The following PLXNA4 variants were observed in gnomAD, a reference collection of about 807,000 sequenced individuals.
The protein encoded by PLXNA4 is plexin-A4.
In PLXNA4, 44 loss-of-function variants were observed where a neutral mutation model predicts 191.8. That is an observed-to-expected ratio of 0.23 (90% confidence interval 0.18 to 0.29). The LOEUF (loss-of-function observed/expected upper bound fraction) is 0.29. Among genes scored for constraint, PLXNA4 ranks in the 10% least tolerant of loss-of-function variants. The pLI, the probability that PLXNA4 is intolerant of heterozygous loss-of-function variation, is 1.00. For missense variants in PLXNA4, 1,800 were observed against 2,488.8 expected (o/e 0.72, Z 5.89); for synonymous variants, 1,082 against 1,009.5 (o/e 1.07, Z -1.36).
chr7:132,505,393 G>A lies in PLXNA4; in HGVS notation c.1188+2113C>T, dbSNP rs1472460440. Among the ~76,000 whole-genome samples, 7 of 152,284 alleles carry A rather than the reference G, an allele frequency of 4.6e-5. No individual in the cohort carries two copies. In the East Asian group the frequency reaches 1.4e-3, roughly 29 times the overall value. On this transcript the variant is annotated intron_variant, in intron 2 of 31. Coordinates refer to ENST00000321063, the MANE Select transcript of PLXNA4 (RefSeq NM_020911.2). ...CCTGCAGCTGATTTTTCTCCCAAGA[G>A]CATCGCCCAAAAAGTCAGGGTTTTA...
chr7:132,371,252 A>G (rs1804427498), intron 3 of PLXNA4, among the ~76,000 whole-genome samples: 1 of 152,118 alleles, frequency 6.6e-6, no homozygotes, highest in Non-Finnish European at 1.5e-5. Flanking sequence ...CACAGAGAAA[A>G]GAATATGGGA....
chr7:132,641,963 G>A (rs1334431113), intron 2 of PLXNA4, among the ~76,000 whole-genome samples: 1 of 152,128 alleles, frequency 6.6e-6, no homozygotes, highest in Non-Finnish European at 1.5e-5. Flanking sequence ...TAAATGTGGG[G>A]AAATGTGTGT....
intron 20 of PLXNA4, among the ~76,000 whole-genome samples, chr7:132,175,699 T>C (rs545410123): frequency 3.0e-4 from 46 of 152,278 alleles, no homozygotes; most frequent in African/African-American, 9.1e-4. Context: ...CCATATTCCG[T>C]TCTGGAAACA....
chr7:132,143,244 C>G (rs1795320955), intron 29 of PLXNA4, among the ~76,000 whole-genome samples: 1 of 152,072 alleles, frequency 6.6e-6, no homozygotes, highest in Non-Finnish European at 1.5e-5. Flanking sequence ...AGCAATAGAT[C>G]AAGTCAGGGT....
intron 1 of PLXNA4, among the ~76,000 whole-genome samples, chr7:132,531,581 C>T (rs1216444691): frequency 6.6e-6 from 1 of 152,178 alleles, no homozygotes; most frequent in African/African-American, 2.4e-5. Context: ...CACTCCAGAC[C>T]TAAGGAAGCT....
intron 24 of PLXNA4, among the ~76,000 whole-genome samples, chr7:132,163,853 A>G (rs141625725): frequency 6.6e-6 from 1 of 152,332 alleles, no homozygotes; most frequent in African/African-American, 2.4e-5. Flanking sequence ...CACCTGGGTC[A>G]AGGGCTTTGA....
chr7:132,175,612 G>A (rs960976514), intron 20 of PLXNA4, among the ~76,000 whole-genome samples: 8 of 152,218 alleles, frequency 5.3e-5, no homozygotes, highest in African/African-American at 1.9e-4. Context: ...GCCTCCAGAT[G>A]AACAGAGTGG....
chr7:132,628,356 CTCTCTCTCTCTGTT>C lies in PLXNA4; in HGVS notation c.-87+17558_-87+17571del, dbSNP rs1182002011. On this transcript the variant is annotated intron_variant, in intron 2 of 4. Transcript: ENST00000378539. ...TCTTGCTCTGTCTCTCTCTCGCTCT[CTCTCTCTCTCTGTT>C]TCTCTCTCTCTCTCTTTTTCTCTCA... is the stretch of plus-strand genomic sequence containing the variant. Among the ~76,000 whole-genome samples the C allele has an allele frequency of 6.1e-3, 933 of 152,046 alleles. 6 individuals are homozygous for C. The highest frequency in any genetic ancestry group is 0.022 in the African/African-American group (903 of 41,402).
At chr7:132,237,415 G>A (rs1177254345) in intron 5 of PLXNA4, among the ~76,000 whole-genome samples, 1 of 152,146 alleles carries the variant, frequency 6.6e-6, no homozygotes, top group African/African-American at 2.4e-5. Flanking sequence ...GCAAGGGAGT[G>A]GGGGAAGACA....
chr7:132,213,706 G>A lies in PLXNA4; in HGVS notation c.2098-2563C>T, dbSNP rs1198097311. ...AGAGCAGATCCTTGAGAATGGGGTT[G>A]CTGTGAGTCCAGGCTCCACTAGACT... is the stretch of plus-strand genomic sequence containing the variant. On this transcript the variant is annotated intron_variant, in intron 9 of 31. Transcript: ENST00000321063. 2.0e-5 allele frequency among the ~76,000 whole-genome samples: 3 copies of A among 152,184 alleles called. 1 individual carries two copies. The highest frequency in any genetic ancestry group is 2.0e-4 in the Admixed American group (3 of 15,282).
At chr7:132,562,061 CTT>C (rs1801171218) in intron 1 of PLXNA4, among the ~76,000 whole-genome samples, 1 of 125,792 alleles carries the variant, frequency 7.9e-6, no homozygotes, top group African/African-American at 3.4e-5. Context: ...CTCCCTCCTC[CTT>C]CTCCTCCTCT....
rs1333660026 is a variant in PLXNA4, at chr7:132,211,138, G to A, written c.2103C>T (p.Cys701=). The A allele has an allele frequency of 1.3e-6, 2 of 1,556,394 alleles. No individual in the cohort carries two copies. Among genetic ancestry groups the A allele is most frequent in the East Asian group, 2.4e-5 (1 of 41,302 alleles). The change falls in exon 10 of 32, where the codon TGC becomes TGT. Residue 701 remains cysteine (C), a synonymous_variant. Transcript: ENST00000321063. ...QEGRVKLPED[C]PQLLRVDKIL... ...TCTTGTCCACTCGCAGCAGCTGGGG[G>A]CAGTCCTGGGGACAGAGGGCATGGC...
intron 2 of PLXNA4, among the ~76,000 whole-genome samples, chr7:132,599,873 C>T (rs1451980411): frequency 6.6e-6 from 1 of 151,990 alleles, no homozygotes; most frequent in Non-Finnish European, 1.5e-5. Flanking sequence ...TCCTAATTTG[C>T]TAAGAGTTTT....
chr7:132,366,686 T>C (rs1209185742), intron 3 of PLXNA4, among the ~76,000 whole-genome samples: 1 of 152,206 alleles, frequency 6.6e-6, no homozygotes, highest in African/African-American at 2.4e-5. Flanking sequence ...TAAATTTTCC[T>C]TGGAAATATT....
Position 132,422,767 on chromosome 7 carries a change from C to T in PLXNA4, c.1371+66525G>A, listed in dbSNP as rs1032778385. On this transcript the variant is annotated intron_variant, in intron 3 of 31. Transcript: ENST00000321063. ...CCTGTTCCAGGAGCTCCTGGCCATA[C>T]ATAATCTCTCTTAATCCTCATAATA... is the stretch of plus-strand genomic sequence containing the variant. 4.6e-5 allele frequency among the ~76,000 whole-genome samples: 7 copies of T among 152,236 alleles called. No homozygotes were observed. In the South Asian group the frequency reaches 8.3e-4, roughly 18 times the overall value.
At position 132,146,684 on chromosome 7, in the gene PLXNA4, G is replaced by A; in HGVS notation, c.4881C>T (p.Tyr1627=). The A allele has an allele frequency of 6.2e-7, 1 of 1,614,176 alleles. No individual in the cohort carries two copies. The highest frequency in any genetic ancestry group is 8.5e-7 in the Non-Finnish European group (1 of 1,180,012). Residue 1627 remains tyrosine, a synonymous_variant, in exon 28 of 32, where the codon TAC becomes TAT. Transcript: ENST00000321063. ...SASKYENMIR[Y]TGSPDSLRSR... The stretch of plus-strand genomic sequence containing the variant: ...AGCGGAGGCTGTCGGGGCTGCCCGT[G>A]TACCGGATCATGTTTTCTGCCAAGG...
At chr7:132,333,737 T>C (rs1802690961) in intron 3 of PLXNA4, among the ~76,000 whole-genome samples, 1 of 152,180 alleles carries the variant, frequency 6.6e-6, no homozygotes, top group Non-Finnish European at 1.5e-5. Flanking sequence ...TCCCCTTCAG[T>C]GAGGAAAATC....
chr7:132,232,413 C>T (rs1798554844), intron 5 of PLXNA4, among the ~76,000 whole-genome samples: 1 of 152,148 alleles, frequency 6.6e-6, no homozygotes, highest in Non-Finnish European at 1.5e-5. Context: ...GTCACCCCCG[C>T]CCCAAATGCA....
intron 2 of PLXNA4, among the ~76,000 whole-genome samples, chr7:132,593,016 A>G (rs1312759199): frequency 6.6e-6 from 1 of 152,222 alleles, no homozygotes; most frequent in Non-Finnish European, 1.5e-5. Context: ...TGATCTACCC[A>G]ACCTATGTTT....
Sources: gnomAD v4.1 joint callset for allele counts (sites outside exome capture counted in the v4.1 genomes callset) on GRCh38, gnomAD v4.1.1 for gene constraint, MANE v1.5 for transcripts, NCBI Gene and HGNC (gene_info 2026-07-23, HGNC 2026-07-21) for gene names.